PDGFB: variants seen among roughly 807,000 people sequenced by gnomAD.
PDGFB encodes the protein platelet derived growth factor subunit B.
PDGFB carries 6 observed loss-of-function variants against 29.0 expected under a neutral mutation model. That is an observed-to-expected ratio of 0.21 (90% confidence interval 0.11 to 0.41). PDGFB has a LOEUF of 0.41. PDGFB is among the 10% of genes least tolerant of loss of function. PDGFB has a pLI of 1.00. For missense variants in PDGFB, 299 were observed against 341.8 expected, an observed-to-expected ratio of 0.87 and a Z score of 0.99; for synonymous variants, 144 against 140.8, an observed-to-expected ratio of 1.02 and a Z score of -0.16.
chr22:39,230,731 G>T (rs754042001), intron 4 of PDGFB, among the ~76,000 whole-genome samples: 2 of 152,378 alleles, frequency 1.3e-5, no homozygotes, highest in Admixed American at 6.5e-5. Context: ...AGTCTCAGGC[G>T]TGGGGCCCAA....
intron 1 of PDGFB, chr22:39,240,921 G>GCACACACA (rs66513025): frequency 1.5e-5 from 18 of 1,232,350 alleles, no homozygotes; most frequent in African/African-American, 9.8e-5. Context: ...TCTCAGATGC[G>GCACACACA]CACACACACA....
At chr22:39,234,375 CT>C (rs1932389625) in intron 2 of PDGFB, among the ~76,000 whole-genome samples, 2 of 152,180 alleles carry the variant, frequency 1.3e-5, no homozygotes, top group African/African-American at 4.8e-5. Flanking sequence ...TGAGGGAGGC[CT>C]CTGAGCTGGA....
chr22:39,235,760 G>A lies in PDGFB; in HGVS notation c.160+18C>T, dbSNP rs1464575024. Reference sequence around the variant, plus strand: ...GTCTCCTCGGAGGGCCGGAGCGCGGGGCGAGGATTCCATTTACCTCCGGGG... The same window carrying A: ...GTCTCCTCGGAGGGCCGGAGCGCGGAGCGAGGATTCCATTTACCTCCGGGG... On this transcript the variant is annotated intron_variant, in intron 2 of 6. Transcript: ENST00000331163. The A allele has an allele frequency of 1.3e-6, 2 of 1,581,176 alleles. No individual in the cohort carries two copies. The highest frequency in any genetic ancestry group is 1.3e-5 in the African/African-American group (1 of 74,196).
chr22:39,240,462 A>T (rs933792607), intron 1 of PDGFB, among the ~76,000 whole-genome samples: 1 of 152,038 alleles, frequency 6.6e-6, no homozygotes, highest in Non-Finnish European at 1.5e-5. Flanking sequence ...TGGTAGCCCA[A>T]GTCCCAAGAC....
At chr22:39,230,046 G>A (rs766487732) in intron 5 of PDGFB, 38 bp downstream of exon 5, 2 of 1,604,902 alleles carry the variant, frequency 1.2e-6, no homozygotes, top group East Asian at 2.2e-5. Flanking sequence ...CTGCTGCAGG[G>A]GAAGGGGGCT....
chr22:39,232,303 C>T (rs113628291), intron 3 of PDGFB, among the ~76,000 whole-genome samples: 8 of 152,336 alleles, frequency 5.3e-5, no homozygotes, highest in African/African-American at 9.6e-5. Flanking sequence ...TCAGCTTCCT[C>T]CTCTATGAAA....
In PDGFB at chr22:39,242,770, G is replaced by A. The variant is rs1424154845; in HGVS notation, c.63+1131C>T. On this transcript the variant is annotated intron_variant, in intron 1 of 6. Coordinates refer to ENST00000331163, the MANE Select transcript of PDGFB (RefSeq NM_002608.4). This position sits in a 1 kb window ranked among gnomAD's most constrained non-coding sequence, Gnocchi z 5.7. ...CCTGCGCCTGGCTGGAGGCCGCAGGGGCCGACCCTCCCCGGGAGCCGGCGA... is the reference window on the plus strand; with the variant it reads ...CCTGCGCCTGGCTGGAGGCCGCAGGAGCCGACCCTCCCCGGGAGCCGGCGA... Among the ~76,000 whole-genome samples, 1 of 152,074 alleles carries A rather than the reference G, an allele frequency of 6.6e-6. No homozygotes were observed. The highest frequency in any genetic ancestry group is 2.4e-5 in the African/African-American group (1 of 41,446).
In PDGFB at chr22:39,226,991, C is replaced by T. The variant is rs552850559; in HGVS notation, c.602-1144G>A. On this transcript the variant is annotated intron_variant, in intron 5 of 6. Transcript: ENST00000331163. ...TATTTGTTTTTAAGATGGAGGCTCA[C>T]TCTGTTGCCCAGGTTGGAGTGCAGT... 2.0e-5 allele frequency among the ~76,000 whole-genome samples: 3 copies of T among 152,360 alleles called. No individual in the cohort carries two copies. In the East Asian group the frequency reaches 5.8e-4, roughly 29 times the overall value.
rs757209933 is a variant in PDGFB, at chr22:39,225,826, A to C, written c.623T>G (p.Val208Gly). 1.2e-5 allele frequency: 19 copies of C among 1,612,880 alleles called. No homozygotes were observed. The East Asian group carries it at 3.6e-4, about 30-fold the overall frequency. ...EQRAKTPQTR[V>G]TIRTVRVRRP... ...GCGGACTCGCACCGTCCGAATGGTC[A>C]CCCGAGTTTGGGGCGTTTTGGCTGC... The change falls in exon 6 of 7, where the codon GTG (valine) becomes GGG (glycine). Residue 208 changes from valine to glycine, a missense_variant. Val to Gly is a moderately radical substitution (Grantham distance 109). Transcript: ENST00000331163.
At chr22:39,237,755 C>A (rs2146449722) in intron 1 of PDGFB, among the ~76,000 whole-genome samples, 1 of 152,352 alleles carries the variant, frequency 6.6e-6, no homozygotes, top group African/African-American at 2.4e-5. Flanking sequence ...GAATCCCACG[C>A]CTTTGGACCA....
Position 39,233,299 on chromosome 22 carries a change from C to A in PDGFB, c.250+136G>T, listed in dbSNP as rs761106796. ...TAAGGATGGTTTTACTCTCTCAGTT[C>A]GCTCAGTCCTGAATGTGGGGGGAAC... On this transcript the variant is annotated intron_variant, in intron 3 of 6. Transcript: ENST00000331163. The A allele has an allele frequency of 3.4e-6, 2 of 593,186 alleles. 1 individual carries two copies. The highest frequency in any genetic ancestry group is 4.3e-5 in the South Asian group (2 of 46,504). The allele number at this position is 593,186 out of a possible 1,614,324, so 36.7% of individuals were successfully genotyped here. A position where few individuals can be genotyped will look rare whatever the true frequency, so the allele number is the denominator to read the frequency against.
chr22:39,233,519 C>A lies in PDGFB; in HGVS notation c.166G>T (p.Asp56Tyr), dbSNP rs1932364161. ...ATGTTCAGGTCCAACTCGGCCCCAT[C>A]TTCCTCTGCAGGAGAAGTCACAGTC... The part of the protein sequence containing the change: ...RLLHGDPGEE[D>Y]GAELDLNMTR... Residue 56 changes from aspartate to tyrosine, a missense_variant, in exon 3 of 7, where the codon GAT becomes TAT. Transcript: ENST00000331163. The A allele has an allele frequency of 1.3e-6, 2 of 1,587,568 alleles. No homozygotes were observed. The highest frequency in any genetic ancestry group is 1.4e-5 in the African/African-American group (1 of 73,060).
At chr22:39,235,898 T>G in intron 1 of PDGFB, 24 bp from the exon 2 acceptor site, 1 of 1,538,518 alleles carries the variant, frequency 6.5e-7, no homozygotes, top group African/African-American at 1.4e-5. Context: ...ACCAAAAGGC[T>G]GAGTGAGCTG....
rs779657691 is a variant in PDGFB, at chr22:39,240,684, T to G, written c.63+3217A>C. Among the ~76,000 whole-genome samples the G allele has an allele frequency of 1.6e-4, 25 of 152,316 alleles. No homozygotes were observed. The South Asian group carries it at 2.1e-3, about 13-fold the overall frequency. The stretch of plus-strand genomic sequence containing the variant: ...TAGTTACTGATTGTCCACAGGGCTC[T>G]GGGCACTGTTCTAAAAGTGGGGACC... On this transcript the variant is annotated intron_variant, in intron 1 of 6. Transcript: ENST00000331163.
At position 39,231,282 on chromosome 22, in the gene PDGFB, C is replaced by T. The variant is rs1278171410; in HGVS notation, c.456+340G>A. ...AGTGTCAGATAAATGTTTGCGGATA[C>T]GGCTCTTCAAGGGACGTTTTGCGAT... On this transcript the variant is annotated intron_variant, in intron 4 of 6. Coordinates refer to ENST00000331163, the MANE Select transcript of PDGFB (RefSeq NM_002608.4). This position sits in a 1 kb window ranked among gnomAD's most constrained non-coding sequence, Gnocchi z 4.3. Among the ~76,000 whole-genome samples the T allele has an allele frequency of 1.3e-5, 2 of 152,228 alleles. No individual in the cohort carries two copies. Among genetic ancestry groups the T allele is most frequent in the South Asian group, 2.1e-4 (1 of 4,836 alleles).
chr22:39,234,971 T>C (rs1313359747), intron 2 of PDGFB, among the ~76,000 whole-genome samples: 3 of 152,100 alleles, frequency 2.0e-5, no homozygotes, highest in Non-Finnish European at 4.4e-5. Flanking sequence ...TGGCGAACAA[T>C]AGGTGGGCCC....
rs1184799325 is a variant in PDGFB, at chr22:39,228,893, A to AAAAAATATATATAT, written c.601+1190_601+1191insATATATATATTTTT. ...GACAGGGTGAGACTGCCTCAAAAAA[A>AAAAAATATATATAT]ATATATATATATATAGATATATATA... On this transcript the variant is annotated intron_variant, in intron 5 of 6. Transcript: ENST00000331163. Among the ~76,000 whole-genome samples, 9 of 132,616 alleles carry AAAAAATATATATAT rather than the reference A, an allele frequency of 6.8e-5. No individual in the cohort carries two copies. The South Asian group carries it at 7.3e-4, about 11-fold the overall frequency. The allele number at this position is 132,616 out of a possible 152,430, so 87.0% of individuals were successfully genotyped here.
At position 39,243,904 on chromosome 22, in the gene PDGFB, G is replaced by C. The variant is rs775741924; in HGVS notation, c.60C>G (p.Ala20=). ...CCCAGCCGCCGTGGCAACTCACCTC[G>C]GCGCTGACCAGACGCAGGTAGCAGC... ...SLCCYLRLVS[A]EGDPIPEELY... The change falls in exon 1 of 7, where the codon GCC becomes GCG. Residue 20 remains alanine (A), a synonymous_variant. Transcript: ENST00000331163. This position sits in a 1 kb window ranked among gnomAD's most constrained non-coding sequence, Gnocchi z 6.4. The C allele has an allele frequency of 3.7e-5, 59 of 1,605,678 alleles. No individual in the cohort carries two copies. In the South Asian group the frequency reaches 5.9e-4, roughly 16 times the overall value.
chr22:39,241,061 A>G (rs1460468332), intron 1 of PDGFB: 3 of 660,522 alleles, frequency 4.5e-6, no homozygotes, highest in Non-Finnish European at 5.4e-6. Flanking sequence ...CCCTAGGGCC[A>G]TTAGCAAAGC....
Sources: gnomAD v4.1 joint callset for allele counts (sites outside exome capture counted in the v4.1 genomes callset) on GRCh38, gnomAD v4.1.1 for gene constraint, Gnocchi (gnomAD v3.1) non-coding constraint, MANE v1.5 for transcripts, NCBI Gene and HGNC (gene_info 2026-07-23, HGNC 2026-07-21) for gene names.